The following ENTPD5 variants were observed in gnomAD, a reference collection of about 807,000 sequenced individuals.
ENTPD5 encodes the protein ectonucleoside triphosphate diphosphohydrolase 5 (inactive).
Under a neutral mutation model 60.2 loss-of-function variants are expected in ENTPD5, and 49 were observed. The ratio of observed to expected loss-of-function variants is 0.81; its 90% CI spans 0.65 to 1.03. ENTPD5 has a LOEUF of 1.03. Among genes scored for constraint, ENTPD5 ranks in the 50% least tolerant of loss-of-function variants. The pLI is 0.00. For synonymous variants in ENTPD5, 187 were observed against 185.4 expected, an observed-to-expected ratio of 1.01 and a Z score of -0.07; for missense variants, 480 against 507.6, an observed-to-expected ratio of 0.95 and a Z score of 0.52.
intron 2 of ENTPD5, 31 bp from the exon 3 acceptor site, chr14:74,011,181 AAC>A (rs1458800896): frequency 4.7e-6 from 3 of 643,604 alleles, no homozygotes; most frequent in Non-Finnish European, 5.8e-6. Flanking sequence ...TAATTATAAG[AAC>A]AGTTTCCTCT....
chr14:74,010,925 G>T (rs770257965), intron 3 of ENTPD5, among the ~76,000 whole-genome samples, 166 bp downstream of exon 3: 10 of 152,178 alleles, frequency 6.6e-5, no homozygotes, highest in Non-Finnish European at 1.3e-4. Context: ...ATAAGCAAAT[G>T]AAGACCTCTC....
At chr14:73,959,565 G>C, downstream of ENTPD5, 3 of 1,613,812 alleles carry the variant, frequency 1.9e-6, no homozygotes, top group Non-Finnish European at 2.5e-6. Context: ...TGCAGGGGGA[G>C]ATACAGAAAG....
downstream of ENTPD5, chr14:73,961,674 G>A: frequency 6.2e-7 from 1 of 1,609,674 alleles, no homozygotes; most frequent in South Asian, 1.1e-5. Flanking sequence ...TATCTGGCTT[G>A]CTAGGAGATG....
At chr14:74,002,316 G>C (rs2058536436) in intron 3 of ENTPD5, among the ~76,000 whole-genome samples, 1 of 152,154 alleles carries the variant, frequency 6.6e-6, no homozygotes, top group Admixed American at 6.5e-5. Context: ...ACAGATATGG[G>C]AGTGGGGAGG....
intron 3 of ENTPD5, chr14:74,007,796 C>T (rs1178013428): frequency 1.4e-5 from 2 of 148,030 alleles, no homozygotes; most frequent in East Asian, 2.0e-4. Flanking sequence ...ACTCCAGCCT[C>T]GGTGACAGAG....
chr14:73,996,073 A>G, intron 3 of ENTPD5: 1 of 900,800 alleles, frequency 1.1e-6, no homozygotes, highest in Non-Finnish European at 1.3e-6. Flanking sequence ...AGAGACCACA[A>G]TCCCAGAGGA....
chr14:73,975,150 C>A (rs952372302), intron 10 of ENTPD5, among the ~76,000 whole-genome samples, 165 bp from the exon 11 acceptor site: 1 of 152,138 alleles, frequency 6.6e-6, no homozygotes, highest in East Asian at 1.9e-4. Flanking sequence ...GTAATTTCTG[C>A]ACAGTTTGGA....
intron 3 of ENTPD5, among the ~76,000 whole-genome samples, chr14:74,003,937 T>A (rs544573946): frequency 2.8e-3 from 421 of 150,650 alleles, no homozygotes; most frequent in Non-Finnish European, 3.8e-3. Flanking sequence ...TTAAAAAAAA[T>A]TTTTTTTTAA....
Position 73,986,873 on chromosome 14 carries a change from CT to C in ENTPD5, c.237del (p.Glu81LysfsTer6), listed in dbSNP as rs771220936. 39 of 1,613,964 alleles carry C rather than the reference CT, an allele frequency of 2.4e-5. No individual in the cohort carries two copies. Among genetic ancestry groups the C allele is most frequent in the Non-Finnish European group, 3.3e-5 (39 of 1,179,946 alleles). On this transcript the variant is annotated frameshift_variant, in exon 5 of 16. Transcript: ENST00000334696. LOFTEE classifies it high-confidence loss of function. ...QKMPGQLPIL[E>X]GEVFDSVKPG... ...GGCTTCACAGAATCAAAAACTTCCC[CT>C]TCTAGAATTGGAAGCTGTCCTATTT...
intron 3 of ENTPD5, among the ~76,000 whole-genome samples, chr14:74,004,190 CAG>C (rs148678859): frequency 0.11 from 16,547 of 151,910 alleles, 981 homozygotes; most frequent in African/African-American, 0.16. Flanking sequence ...TTTTTTGAGA[CAG>C]AGTCTCCCTC....
chr14:74,006,003 T>C (rs2058668708), intron 3 of ENTPD5, among the ~76,000 whole-genome samples: 2 of 152,142 alleles, frequency 1.3e-5, no homozygotes, highest in Non-Finnish European at 2.9e-5. Flanking sequence ...TTTTGTTTTT[T>C]TTGAGATGGA....
intron 3 of ENTPD5, among the ~76,000 whole-genome samples, chr14:74,004,634 A>T (rs1304643667): frequency 6.6e-6 from 1 of 152,190 alleles, no homozygotes; most frequent in Non-Finnish European, 1.5e-5. Flanking sequence ...ATGGTTGGCA[A>T]GTTGATGCCA....
chr14:73,973,506 A>G (rs2057316765), intron 12 of ENTPD5, among the ~76,000 whole-genome samples: 2 of 152,188 alleles, frequency 1.3e-5, no homozygotes, highest in Non-Finnish European at 2.9e-5. Flanking sequence ...CTTCTTAATT[A>G]ATTTGTAAGA....
At chr14:73,979,875 G>A (rs970961271) in intron 6 of ENTPD5, among the ~76,000 whole-genome samples, 2 of 151,794 alleles carry the variant, frequency 1.3e-5, no homozygotes, top group Non-Finnish European at 2.9e-5. Context: ...AGTGACTTAA[G>A]TCCTCTGTAC....
chr14:73,981,268 G>A (rs2057677475), intron 6 of ENTPD5, among the ~76,000 whole-genome samples: 1 of 151,784 alleles, frequency 6.6e-6, no homozygotes, highest in Admixed American at 6.6e-5. Context: ...TGGGAAGCCG[G>A]GGTGGGTGGA....
intron 15 of ENTPD5, among the ~76,000 whole-genome samples, 164 bp downstream of exon 15, chr14:73,969,846 A>G (rs1411164981): frequency 1.3e-5 from 2 of 152,200 alleles, no homozygotes; most frequent in African/African-American, 4.8e-5. Context: ...GCATTGAGAT[A>G]ATTTCCCACA....
intron 12 of ENTPD5, 36 bp from the exon 13 acceptor site, chr14:73,973,060 C>T (rs200893870): frequency 3.7e-5 from 60 of 1,610,700 alleles, no homozygotes; most frequent in East Asian, 4.5e-5. Context: ...AAGGTGAGAA[C>T]GACGCTGGGG....
In ENTPD5 at chr14:73,976,322, A is replaced by C. The variant is rs755003155; in HGVS notation, c.642+2T>G. Reference sequence around the variant, plus strand: ...TAACCAGATCTTCATTAAATGACTCACCTCAAACTGGGGCAGGAACGTGAT... The same window carrying C: ...TAACCAGATCTTCATTAAATGACTCCCCTCAAACTGGGGCAGGAACGTGAT... On this transcript the variant is annotated splice_donor_variant, in intron 9 of 15. Transcript: ENST00000334696. LOFTEE classifies it high-confidence loss of function. 2 of 1,613,180 alleles carry C rather than the reference A, an allele frequency of 1.2e-6. No homozygotes were observed. Among genetic ancestry groups the C allele is most frequent in the Non-Finnish European group, 1.7e-6 (2 of 1,179,330 alleles).
chr14:73,974,072 T>TG, intron 11 of ENTPD5, 94 bp from the exon 12 acceptor site: 1 of 967,014 alleles, frequency 1.0e-6, no homozygotes, highest in South Asian at 1.4e-5. Flanking sequence ...AGAATCACCA[T>TG]GGGGGCTGGG....
Sources: allele counts gnomAD v4.1 joint callset (sites outside exome capture counted in the v4.1 genomes callset), GRCh38; gene constraint gnomAD v4.1.1; transcripts MANE v1.5; gene names NCBI Gene and HGNC (gene_info 2026-07-23, HGNC 2026-07-21).